The following RBFOX1 variants were observed in gnomAD, a reference collection of about 807,000 sequenced individuals.
The protein encoded by RBFOX1 is RNA binding fox-1 homolog 1.
In RBFOX1, 8 loss-of-function variants were observed where a neutral mutation model predicts 57.7. The ratio of observed to expected loss-of-function variants is 0.14; its 90% CI spans 0.08 to 0.25. The LOEUF (loss-of-function observed/expected upper bound fraction) is 0.25, where lower values mean the gene tolerates loss of function less well. Ranked by LOEUF, RBFOX1 falls within the 10% of genes least tolerant of loss-of-function variation. RBFOX1 has a pLI of 1.00. For missense variants in RBFOX1, 611 were observed against 548.5 expected, an observed-to-expected ratio of 1.11 and a Z score of -1.14; for synonymous variants, 326 against 222.4, an observed-to-expected ratio of 1.47 and a Z score of -4.15.
rs144489560 is a variant in RBFOX1, at chr16:6,132,903, C to T, written c.-127+112911C>T. Among the ~76,000 whole-genome samples, 130 of 149,214 alleles carry T rather than the reference C, an allele frequency of 8.7e-4. No homozygotes were observed. The East Asian group carries it at 0.017, about 20-fold the overall frequency. ...TCACTTGAACCCAGGAGGCAGAGGT[C>T]GCAGTGAGCCGAGATCATGCCACTG... is the stretch of plus-strand genomic sequence containing the variant. On this transcript the variant is annotated intron_variant, in intron 1 of 15. Coordinates refer to ENST00000550418, the MANE Select transcript of RBFOX1 (RefSeq NM_018723.4).
chr16:5,620,272 T>C (rs1158239124), intron 3 of RBFOX1, among the ~76,000 whole-genome samples: 1 of 152,118 alleles, frequency 6.6e-6, no homozygotes, highest in East Asian at 1.9e-4. Flanking sequence ...ACCCAACACA[T>C]GCCATCTGAA....
At chr16:5,596,638 C>G (rs959140501) in intron 2 of RBFOX1, among the ~76,000 whole-genome samples, 1 of 152,194 alleles carries the variant, frequency 6.6e-6, no homozygotes, top group Non-Finnish European at 1.5e-5. Context: ...GGTCTTGTCA[C>G]TGGGTTGAAA....
intron 4 of RBFOX1, among the ~76,000 whole-genome samples, chr16:7,061,022 C>CTGTGTGTGTGTG (rs112453963): frequency 3.4e-4 from 51 of 150,632 alleles, no homozygotes; most frequent in African/African-American, 1.1e-3. Context: ...GTATGTTCTC[C>CTGTGTGTGTGTG]TGTGTGTGTG....
At chr16:6,013,221 T>A (rs1156418075) in intron 4 of RBFOX1, among the ~76,000 whole-genome samples, 1 of 152,206 alleles carries the variant, frequency 6.6e-6, no homozygotes, top group Non-Finnish European at 1.5e-5. Context: ...AAAAGATGAA[T>A]GATAGTATGT....
rs73565854 is a variant in RBFOX1 at position 7,356,013 on chromosome 16, G to T, written c.28-162134G>T. On this transcript the variant is annotated intron_variant, in intron 4 of 15. Transcript: ENST00000550418. ...ACGGCCCATGCACTGTGCTTTATTG[G>T]TTTGAAAAATGAAGAAGCAAGCTCC... Among the ~76,000 whole-genome samples the T allele has an allele frequency of 3.3e-5, 5 of 152,264 alleles. No homozygotes were observed. In the East Asian group the frequency reaches 9.6e-4, roughly 29 times the overall value.
chr16:6,083,109 C>T (rs1199435273), intron 1 of RBFOX1, among the ~76,000 whole-genome samples: 3 of 152,056 alleles, frequency 2.0e-5, no homozygotes, highest in Admixed American at 6.6e-5. Flanking sequence ...TCAAGCGATT[C>T]TCCTGCCTCA....
chr16:5,932,565 A>G (rs547992977), intron 4 of RBFOX1, among the ~76,000 whole-genome samples: 1 of 152,226 alleles, frequency 6.6e-6, no homozygotes, highest in East Asian at 1.9e-4. Context: ...TTGAGCTCCT[A>G]AGGTTGTCGT....
At chr16:7,439,129 C>T (rs1372584976) in intron 4 of RBFOX1, among the ~76,000 whole-genome samples, 2 of 152,130 alleles carry the variant, frequency 1.3e-5, no homozygotes, top group Non-Finnish European at 2.9e-5. Flanking sequence ...AAATGGATGC[C>T]CTTGTCCTTC....
intron 2 of RBFOX1, among the ~76,000 whole-genome samples, chr16:6,558,323 C>CGCT (rs1287581046): frequency 1.3e-5 from 2 of 152,032 alleles, no homozygotes; most frequent in African/African-American, 2.4e-5. Context: ...AGCATGTTGC[C>CGCT]GCTGCTGCTG....
chr16:7,014,872 G>A (rs1484191725), intron 3 of RBFOX1, among the ~76,000 whole-genome samples: 1 of 152,012 alleles, frequency 6.6e-6, no homozygotes, highest in African/African-American at 2.4e-5. Context: ...TTACAGGCAT[G>A]TGCCACCACA....
At chr16:6,218,863 AAAAAG>A (rs1190176109) in intron 1 of RBFOX1, among the ~76,000 whole-genome samples, 12 of 149,016 alleles carry the variant, frequency 8.1e-5, no homozygotes, top group African/African-American at 3.0e-4. Context: ...GAAAAAAAAA[AAAAAG>A]AAGAAGGAGA....
intron 3 of RBFOX1, among the ~76,000 whole-genome samples, chr16:6,985,582 C>G (rs1415128918): frequency 6.6e-6 from 1 of 152,212 alleles, no homozygotes; most frequent in African/African-American, 2.4e-5. Flanking sequence ...AATCCCAGCA[C>G]TTTGGGAGGC....
chr16:5,266,458 A>T (rs960903162), intron 1 of RBFOX1, among the ~76,000 whole-genome samples: 16 of 151,880 alleles, frequency 1.1e-4, no homozygotes, highest in Admixed American at 1.3e-4. Flanking sequence ...GTCAGGGGTT[A>T]GTAGAGATGG....
intron 2 of RBFOX1, among the ~76,000 whole-genome samples, chr16:5,519,205 C>G (rs192671700): frequency 4.5e-4 from 68 of 152,274 alleles, no homozygotes; most frequent in African/African-American, 1.5e-3. Flanking sequence ...GGTGGCAACC[C>G]TAGCAAAGTA....
At chr16:6,749,411 C>G (rs1486034226) in intron 3 of RBFOX1, among the ~76,000 whole-genome samples, 1 of 152,140 alleles carries the variant, frequency 6.6e-6, no homozygotes, top group East Asian at 1.9e-4. Flanking sequence ...GAGATGGACC[C>G]TGGTTCTTGC....
intron 4 of RBFOX1, among the ~76,000 whole-genome samples, chr16:7,112,720 C>G (rs1488225278): frequency 1.7e-5 from 2 of 120,854 alleles, no homozygotes; most frequent in East Asian, 2.5e-4. Context: ...GCAAATGGGT[C>G]AAAGTGAAAA....
chr16:6,624,939 T>G (rs1601865205), intron 2 of RBFOX1, among the ~76,000 whole-genome samples: 1 of 151,948 alleles, frequency 6.6e-6, no homozygotes, highest in African/African-American at 2.4e-5. Context: ...TCGAGGCAGG[T>G]GGATCACTTG....
intron 4 of RBFOX1, among the ~76,000 whole-genome samples, chr16:7,388,456 G>T (rs1168800111): frequency 6.6e-6 from 1 of 152,066 alleles, no homozygotes; most frequent in Non-Finnish European, 1.5e-5. Flanking sequence ...AACAAATATG[G>T]ATTTAAATTC....
intron 3 of RBFOX1, among the ~76,000 whole-genome samples, chr16:5,737,911 G>GT (rs2151581684): frequency 6.6e-6 from 1 of 152,046 alleles, no homozygotes; most frequent in South Asian, 2.1e-4. Flanking sequence ...GAACGTGCAG[G>GT]TTTGTTACAT....
Sources: allele counts gnomAD v4.1 joint callset (sites outside exome capture counted in the v4.1 genomes callset), GRCh38; gene constraint gnomAD v4.1.1; transcripts MANE v1.5; gene names NCBI Gene and HGNC (gene_info 2026-07-23, HGNC 2026-07-21).